The following CSMD1 variants were observed in gnomAD, a reference collection of about 807,000 sequenced individuals.
CSMD1 encodes CUB and Sushi multiple domains 1.
Under a neutral mutation model 417.5 loss-of-function variants are expected in CSMD1, and 213 were observed. That is an observed-to-expected ratio of 0.51 (90% CI 0.46 to 0.57). CSMD1 has a LOEUF of 0.57. CSMD1 is among the 20% of genes least tolerant of loss of function. The pLI is 0.00. For synonymous variants in CSMD1, 2,862 were observed against 1,736.8 expected, an observed-to-expected ratio of 1.65 and a Z score of -16.11; for missense variants, 6,923 against 4,529.7, an observed-to-expected ratio of 1.53 and a Z score of -15.17.
rs1374126239 is a variant in CSMD1 at position 2,938,315 on chromosome 8, G to A, written c.*270C>T. ...GAGTATGACGTGTTGGCGCGACGTG[G>A]CAGTCTTCCTGGAGTGTGCCTTGAT... is the stretch of plus-strand genomic sequence containing the variant. On this transcript the variant is annotated 3_prime_UTR_variant, in exon 70 of 70. Coordinates refer to ENST00000635120, the MANE Select transcript of CSMD1 (RefSeq NM_033225.6). 5 of 384,030 alleles carry A rather than the reference G, an allele frequency of 1.3e-5. No homozygotes were observed. Among genetic ancestry groups the A allele is most frequent in the African/African-American group, 2.1e-5 (1 of 48,444 alleles). The allele number at this position is 384,030 out of a possible 1,614,324, so 23.8% of individuals were successfully genotyped here. A position where few individuals can be genotyped will look rare whatever the true frequency, so the allele number is the denominator to read the frequency against.
rs537623076 is a variant in CSMD1, at chr8:4,660,472, C to A, written c.86-22914G>T. ...CCAAAATTGACACACAGGTTTATTG[C>A]AATTCCATTACAAATCCTAACCCAA... On this transcript the variant is annotated intron_variant, in intron 1 of 69. Coordinates refer to ENST00000635120, the MANE Select transcript of CSMD1 (RefSeq NM_033225.6). Among the ~76,000 whole-genome samples the A allele has an allele frequency of 1.4e-4, 21 of 152,146 alleles. No individual in the cohort carries two copies. The South Asian group carries it at 4.4e-3, about 32-fold the overall frequency.
intron 5 of CSMD1, among the ~76,000 whole-genome samples, chr8:3,776,982 G>C (rs1584982063): frequency 6.6e-6 from 1 of 151,706 alleles, no homozygotes; most frequent in East Asian, 1.9e-4. Context: ...CCATAGTGCT[G>C]GGATTACATG....
intron 26 of CSMD1, among the ~76,000 whole-genome samples, chr8:3,254,140 G>A (rs1261462035): frequency 6.6e-6 from 1 of 152,120 alleles, no homozygotes; most frequent in East Asian, 1.9e-4. Context: ...AGGAAGCTTA[G>A]TTTGGCCGGA....
intron 9 of CSMD1, among the ~76,000 whole-genome samples, chr8:3,581,515 TTTA>T (rs1800382190): frequency 6.6e-6 from 1 of 152,174 alleles, no homozygotes; most frequent in African/African-American, 2.4e-5. Flanking sequence ...CTCACTGCAA[TTTA>T]TCGAATGCTT....
rs542741013 is a variant in CSMD1 at position 4,293,686 on chromosome 8, C to T, written c.415+126267G>A. 2.6e-5 allele frequency among the ~76,000 whole-genome samples: 4 copies of T among 152,286 alleles called. No individual in the cohort carries two copies. The South Asian group carries it at 8.3e-4, about 32-fold the overall frequency. On this transcript the variant is annotated intron_variant, in intron 3 of 69. Coordinates refer to ENST00000635120, the MANE Select transcript of CSMD1 (RefSeq NM_033225.6). The stretch of plus-strand genomic sequence containing the variant: ...CCAATAAATAATAACAATCATATCT[C>T]ATTACTTAGAATTGCATTCCATACT...
intron 3 of CSMD1, among the ~76,000 whole-genome samples, chr8:4,263,877 T>C (rs1804055144): frequency 6.6e-6 from 1 of 152,194 alleles, no homozygotes; most frequent in Admixed American, 6.5e-5. Flanking sequence ...TTGACCAGAA[T>C]GCTCAGAACA....
chr8:3,463,516 A>G (rs1212896018), intron 12 of CSMD1, among the ~76,000 whole-genome samples: 1 of 152,186 alleles, frequency 6.6e-6, no homozygotes, highest in African/African-American at 2.4e-5. Flanking sequence ...TTTAGAAGTC[A>G]CTACTATTCT....
chr8:3,002,979 A>G (rs1396684693), intron 52 of CSMD1, among the ~76,000 whole-genome samples: 2 of 152,226 alleles, frequency 1.3e-5, no homozygotes, highest in Non-Finnish European at 2.9e-5. Flanking sequence ...CCTAGTATCT[A>G]AGCTTCCTAA....
intron 10 of CSMD1, among the ~76,000 whole-genome samples, chr8:3,504,867 T>C (rs910398312): frequency 2.0e-5 from 3 of 152,102 alleles, no homozygotes; most frequent in African/African-American, 7.2e-5. Flanking sequence ...AAAATGATAG[T>C]GGCAAATGTG....
chr8:4,525,152 G>C (rs916877543), intron 2 of CSMD1, among the ~76,000 whole-genome samples: 1 of 152,118 alleles, frequency 6.6e-6, no homozygotes, highest in African/African-American at 2.4e-5. Flanking sequence ...TATTATTTGG[G>C]AAAAGTTGAC....
chr8:3,949,065 C>G (rs1226178331), intron 5 of CSMD1, among the ~76,000 whole-genome samples: 1 of 151,920 alleles, frequency 6.6e-6, no homozygotes, highest in Non-Finnish European at 1.5e-5. Flanking sequence ...TTTTTAAAAG[C>G]TATTTTTAAT....
At chr8:4,700,419 T>C (rs79513985) in intron 1 of CSMD1, among the ~76,000 whole-genome samples, 6,271 of 152,236 alleles carry the variant, frequency 0.041, 139 homozygotes, top group East Asian at 0.095. Flanking sequence ...TTTATACTTA[T>C]AAACAGGTAG....
chr8:4,599,524 A>G (rs1383181884), intron 2 of CSMD1, among the ~76,000 whole-genome samples: 1 of 151,560 alleles, frequency 6.6e-6, no homozygotes, highest in Non-Finnish European at 1.5e-5. Context: ...TTTTTTTTAC[A>G]CTAAGTGCAC....
intron 8 of CSMD1, among the ~76,000 whole-genome samples, chr8:3,600,799 TAACATTCATATGCATGTTTTGC>T (rs986347960): frequency 7.9e-5 from 12 of 151,808 alleles, no homozygotes; most frequent in South Asian, 2.1e-4. Context: ...GAATGTTTTG[TAACATTCATATGCATGTTTTGC>T]AACATTCATA....
At chr8:3,994,691 T>C (rs1404495910) in intron 5 of CSMD1, among the ~76,000 whole-genome samples, 1 of 152,124 alleles carries the variant, frequency 6.6e-6, no homozygotes, top group Non-Finnish European at 1.5e-5. Flanking sequence ...ACCCAACGTA[T>C]GTTTAATATA....
chr8:4,826,568 T>C (rs567457737), intron 1 of CSMD1, among the ~76,000 whole-genome samples: 119 of 152,248 alleles, frequency 7.8e-4, no homozygotes, highest in Non-Finnish European at 8.5e-4. Flanking sequence ...CAAGTTAGCG[T>C]AGTTGGGATG....
At chr8:3,238,883 AC>A (rs1250117285) in intron 26 of CSMD1, among the ~76,000 whole-genome samples, 1 of 152,168 alleles carries the variant, frequency 6.6e-6, no homozygotes, top group Non-Finnish European at 1.5e-5. Flanking sequence ...AATAGTGTAA[AC>A]CAGCAGTGTA....
At chr8:3,822,158 G>C (rs1396204474) in intron 5 of CSMD1, among the ~76,000 whole-genome samples, 1 of 152,174 alleles carries the variant, frequency 6.6e-6, no homozygotes, top group Admixed American at 6.5e-5. Flanking sequence ...TCTCCTTTCT[G>C]AGCCAACCCT....
intron 2 of CSMD1, among the ~76,000 whole-genome samples, chr8:4,430,626 C>T (rs560669370): frequency 1.3e-5 from 2 of 152,050 alleles, no homozygotes; most frequent in East Asian, 1.9e-4. Flanking sequence ...TCAACTGATC[C>T]TCTTTTTTTT....
Sources: gnomAD v4.1 joint callset for allele counts (sites outside exome capture counted in the v4.1 genomes callset) on GRCh38, gnomAD v4.1.1 for gene constraint, MANE v1.5 for transcripts, NCBI Gene and HGNC (gene_info 2026-07-23, HGNC 2026-07-21) for gene names.